Variants in CNTN4 observed in about 807,000 individuals in gnomAD.
The protein encoded by CNTN4 is contactin 4.
CNTN4 carries 77 observed loss-of-function variants against 122.5 expected under a neutral mutation model. That is an observed-to-expected ratio of 0.63 (90% confidence interval 0.52 to 0.76). The LOEUF (loss-of-function observed/expected upper bound fraction) is 0.76. CNTN4 is among the 30% of genes least tolerant of loss of function. The probability of loss-of-function intolerance (pLI) is 0.00; values close to 1 mark genes in which losing one functional copy is unlikely to be tolerated. For synonymous variants in CNTN4, 512 were observed against 447.0 expected, an observed-to-expected ratio of 1.15 and a Z score of -1.83; for missense variants, 1,256 against 1,259.1, an observed-to-expected ratio of 1.00 and a Z score of 0.04.
intron 2 of CNTN4, among the ~76,000 whole-genome samples, chr3:2,165,863 T>A (rs1196779852): frequency 6.6e-6 from 1 of 152,006 alleles, no homozygotes; most frequent in African/African-American, 2.4e-5. Flanking sequence ...ACTGGCAGAA[T>A]TTTTTTTAAG....
chr3:2,492,984 A>G (rs1306960072), intron 3 of CNTN4, among the ~76,000 whole-genome samples: 1 of 152,224 alleles, frequency 6.6e-6, no homozygotes, highest in Non-Finnish European at 1.5e-5. Context: ...TGGGGGCATT[A>G]AGAACTGTTT....
chr3:2,727,913 TA>T (rs1165016383), intron 4 of CNTN4, among the ~76,000 whole-genome samples: 1 of 152,218 alleles, frequency 6.6e-6, no homozygotes, highest in African/African-American at 2.4e-5. Flanking sequence ...CAAATGAAAG[TA>T]ATGTTTATCC....
At chr3:2,129,905 A>G (rs1215563013) in intron 2 of CNTN4, among the ~76,000 whole-genome samples, 1 of 152,054 alleles carries the variant, frequency 6.6e-6, no homozygotes, top group Admixed American at 6.6e-5. Context: ...TGGCAGATAG[A>G]CATGTTTCCT....
intron 3 of CNTN4, among the ~76,000 whole-genome samples, chr3:2,525,288 A>G (rs770352320): frequency 1.3e-5 from 2 of 152,160 alleles, no homozygotes; most frequent in Non-Finnish European, 2.9e-5. Flanking sequence ...TAGAAAAGGG[A>G]TATAAACATG....
At chr3:2,600,062 A>G (rs928230767) in intron 4 of CNTN4, among the ~76,000 whole-genome samples, 4 of 121,286 alleles carry the variant, frequency 3.3e-5, no homozygotes. Context: ...TTTGGTCAAT[A>G]AAGGGCAGAA....
At chr3:2,568,013 A>C (rs906573073) in intron 3 of CNTN4, among the ~76,000 whole-genome samples, 1 of 151,704 alleles carries the variant, frequency 6.6e-6, no homozygotes, top group Non-Finnish European at 1.5e-5. Context: ...CAAGACCCGC[A>C]CCTCCCTAAC....
At chr3:2,510,942 C>T (rs1037813344) in intron 3 of CNTN4, among the ~76,000 whole-genome samples, 3 of 151,970 alleles carry the variant, frequency 2.0e-5, no homozygotes, top group African/African-American at 7.3e-5. Context: ...GCTTTGAATG[C>T]CCTGGACTTC....
At chr3:2,170,268 C>G (rs578071358) in intron 2 of CNTN4, among the ~76,000 whole-genome samples, 6 of 151,610 alleles carry the variant, frequency 4.0e-5, no homozygotes, top group Admixed American at 1.3e-4. Flanking sequence ...TGCAGTGAGC[C>G]GAGATCGCGC....
intron 3 of CNTN4, among the ~76,000 whole-genome samples, chr3:2,547,921 A>G (rs556052377): frequency 3.9e-5 from 6 of 152,254 alleles, no homozygotes; most frequent in Non-Finnish European, 4.4e-5. Flanking sequence ...AGAAGGCAAA[A>G]AGGAAAACAA....
At chr3:2,627,594 G>T (rs189417477) in intron 4 of CNTN4, among the ~76,000 whole-genome samples, 6 of 150,546 alleles carry the variant, frequency 4.0e-5, no homozygotes, top group African/African-American at 4.9e-5. Context: ...CCTGGGTTCA[G>T]GCCATTCTCC....
At chr3:2,693,549 G>A (rs1229984928) in intron 4 of CNTN4, among the ~76,000 whole-genome samples, 1 of 152,114 alleles carries the variant, frequency 6.6e-6, no homozygotes, top group Non-Finnish European at 1.5e-5. Context: ...AGATGCTATG[G>A]AAGCACCTAG....
intron 13 of CNTN4, among the ~76,000 whole-genome samples, chr3:2,946,452 T>C (rs1438982467): frequency 6.6e-6 from 1 of 152,186 alleles, no homozygotes; most frequent in Non-Finnish European, 1.5e-5. Context: ...ACGTCATGTC[T>C]CACTGTAAAG....
At chr3:2,658,961 A>AAC (rs1428369229) in intron 4 of CNTN4, among the ~76,000 whole-genome samples, 17 of 59,148 alleles carry the variant, frequency 2.9e-4, no homozygotes, top group Non-Finnish European at 4.6e-4. Context: ...CACACACACA[A>AAC]ACAGACACAC....
chr3:2,682,718 A>C (rs2728018), intron 4 of CNTN4, among the ~76,000 whole-genome samples: 2 of 151,886 alleles, frequency 1.3e-5, no homozygotes, highest in Non-Finnish European at 2.9e-5. Flanking sequence ...AGATCTAGAC[A>C]AAAAGGATCA....
intron 13 of CNTN4, among the ~76,000 whole-genome samples, chr3:2,940,966 C>T (rs1027984975): frequency 6.6e-6 from 1 of 152,064 alleles, no homozygotes; most frequent in Non-Finnish European, 1.5e-5. Context: ...TTGATTTGCT[C>T]TAAAGGGTTT....
At chr3:2,295,742 A>G (rs1303203661) in intron 2 of CNTN4, among the ~76,000 whole-genome samples, 1 of 152,088 alleles carries the variant, frequency 6.6e-6, no homozygotes, top group East Asian at 1.9e-4. Context: ...TTAGACATGA[A>G]GTCCTTGCCC....
chr3:2,404,913 A>T (rs2046979586), intron 3 of CNTN4, among the ~76,000 whole-genome samples: 2 of 152,204 alleles, frequency 1.3e-5, no homozygotes, highest in African/African-American at 4.8e-5. Context: ...GGATGGAGAC[A>T]GTCATCCCCA....
intron 3 of CNTN4, among the ~76,000 whole-genome samples, chr3:2,546,181 G>A (rs937489935): frequency 7.2e-5 from 11 of 151,950 alleles, no homozygotes; most frequent in African/African-American, 2.2e-4. Flanking sequence ...ATACCCAAAT[G>A]AATATAAATC....
At chr3:2,186,288 T>C (rs1391201964) in intron 2 of CNTN4, among the ~76,000 whole-genome samples, 22 of 151,586 alleles carry the variant, frequency 1.5e-4, no homozygotes, top group South Asian at 4.2e-4. Flanking sequence ...GCATAGTATT[T>C]CATGGTGTAT....
Sources: allele counts gnomAD v4.1 joint callset (sites outside exome capture counted in the v4.1 genomes callset), GRCh38; gene constraint gnomAD v4.1.1; transcripts MANE v1.5; gene names NCBI Gene and HGNC (gene_info 2026-07-23, HGNC 2026-07-21).